ZNF33B: variants seen among roughly 807,000 people sequenced by gnomAD.
ZNF33B encodes zinc finger protein 33B, also known as zinc finger protein 11b (KOX 2).
A neutral mutation model predicts 45.8 loss-of-function variants in ZNF33B; 29 were observed. The observed-to-expected ratio is 0.63, with a 90% CI of 0.47 to 0.86. The LOEUF is 0.86. ZNF33B is among the 40% of genes least tolerant of loss of function. The probability of loss-of-function intolerance (pLI) is 0.00; values close to 1 mark genes in which losing one functional copy is unlikely to be tolerated. For missense variants in ZNF33B, 831 were observed against 909.9 expected (o/e 0.91, Z 1.12); for synonymous variants, 305 against 307.8 (o/e 0.99, Z 0.10).
intron 4 of ZNF33B, among the ~76,000 whole-genome samples, chr10:42,625,768 T>A (rs1213725247): frequency 2.0e-5 from 3 of 152,260 alleles, no homozygotes; most frequent in Admixed American, 6.5e-5. Flanking sequence ...CCACCAGGCC[T>A]GGCCTGAGGT....
At chr10:42,631,292 GC>G (rs1159136494) in intron 4 of ZNF33B, among the ~76,000 whole-genome samples, 2 of 152,004 alleles carry the variant, frequency 1.3e-5, no homozygotes, top group Admixed American at 1.3e-4. Flanking sequence ...TGCAACCTCT[GC>G]CTTCTGGGTT....
At chr10:42,611,249 G>A (rs1838084566) in intron 4 of ZNF33B, among the ~76,000 whole-genome samples, 1 of 152,080 alleles carries the variant, frequency 6.6e-6, no homozygotes, top group Non-Finnish European at 1.5e-5. Flanking sequence ...GCTGAGGCAG[G>A]AGAAATGCTT....
chr10:42,598,997 C>T (rs1405968159), intron 4 of ZNF33B, among the ~76,000 whole-genome samples: 1 of 152,140 alleles, frequency 6.6e-6, no homozygotes, highest in Non-Finnish European at 1.5e-5. Context: ...ACTACTGAAG[C>T]ATCTAGGGAC....
downstream of ZNF33B, among the ~76,000 whole-genome samples, chr10:42,587,823 C>T (rs182394507): frequency 1.3e-5 from 2 of 152,270 alleles, no homozygotes; most frequent in East Asian, 3.9e-4. Flanking sequence ...CTCATCAGCA[C>T]CTGGACCATG....
At position 42,589,305 on chromosome 10, in the gene ZNF33B, G is replaced by A. The variant is rs1195932403; in HGVS notation, c.*3308C>T. ...TGTTACAATTGATGAGCCAATAGTG[G>A]TACACTGTTATTAACTGAAGTCCAG... On this transcript the variant is annotated 3_prime_UTR_variant, in exon 5 of 5. Coordinates refer to ENST00000359467, the MANE Select transcript of ZNF33B (RefSeq NM_006955.3). 1 of 152,142 alleles carries A rather than the reference G, an allele frequency of 6.6e-6. No individual in the cohort carries two copies. Among genetic ancestry groups the A allele is most frequent in the Non-Finnish European group, 1.5e-5 (1 of 68,020 alleles). The allele number at this position is 152,142 out of a possible 1,614,324, so 9.4% of individuals were successfully genotyped here.
At chr10:42,577,259 C>T (rs1836761189) in intron 1 of ZNF33B, among the ~76,000 whole-genome samples, 1 of 152,048 alleles carries the variant, frequency 6.6e-6, no homozygotes, top group South Asian at 2.1e-4. Flanking sequence ...ACACCCCAAA[C>T]CTCGACCTCC....
chr10:42,581,151 C>A (rs1450041310), intron 1 of ZNF33B, among the ~76,000 whole-genome samples: 1 of 151,998 alleles, frequency 6.6e-6, no homozygotes, highest in African/African-American at 2.4e-5. Flanking sequence ...CTTTATGCAC[C>A]CAGTCCAGGT....
rs1837166068 is a variant in ZNF33B at position 42,592,393 on chromosome 10, TA to T, written c.*219del. 14 of 713,498 alleles carry T rather than the reference TA, an allele frequency of 2.0e-5. No homozygotes were observed. Among genetic ancestry groups the T allele is most frequent in the Non-Finnish European group, 2.9e-5 (14 of 477,496 alleles). The allele number at this position is 713,498 out of a possible 1,614,324, so 44.2% of individuals were successfully genotyped here. A position where few individuals can be genotyped will look rare whatever the true frequency, so the allele number is the denominator to read the frequency against. On this transcript the variant is annotated 3_prime_UTR_variant, in exon 5 of 5. Transcript: ENST00000359467. ...AATCTGTGAGGTTTTATGCCAGTAT[TA>T]ACCATCTGATATTCAACAGAATATC...
At chr10:42,623,617 C>T (rs1838682850) in intron 4 of ZNF33B, among the ~76,000 whole-genome samples, 1 of 152,170 alleles carries the variant, frequency 6.6e-6, no homozygotes. Flanking sequence ...GAAATATTCA[C>T]AACATTCAAA....
intron 4 of ZNF33B, chr10:42,614,163 G>C (rs958206168): frequency 6.5e-6 from 1 of 154,806 alleles, no homozygotes; most frequent in Non-Finnish European, 1.5e-5. Flanking sequence ...ATGCATGCTT[G>C]ATATAATGTG....
chr10:42,606,806 A>C (rs1412438219), intron 4 of ZNF33B, among the ~76,000 whole-genome samples: 7 of 152,128 alleles, frequency 4.6e-5, no homozygotes, highest in Admixed American at 3.9e-4. Flanking sequence ...AAAAAAAAAA[A>C]AAAAAGACAT....
intron 4 of ZNF33B, among the ~76,000 whole-genome samples, chr10:42,623,203 G>A (rs1375958251): frequency 2.0e-5 from 3 of 152,218 alleles, no homozygotes; most frequent in South Asian, 4.1e-4. Context: ...GGAGGCAGAG[G>A]CTGTGGTGAG....
At chr10:42,580,976 C>A (rs1428990499) in intron 1 of ZNF33B, among the ~76,000 whole-genome samples, 1 of 152,088 alleles carries the variant, frequency 6.6e-6, no homozygotes, top group African/African-American at 2.4e-5. Flanking sequence ...AGATCACAAT[C>A]ACACCAGGAG....
chr10:42,630,374 G>A (rs1246342878), intron 4 of ZNF33B, among the ~76,000 whole-genome samples: 2 of 151,992 alleles, frequency 1.3e-5, no homozygotes, highest in African/African-American at 4.8e-5. Flanking sequence ...GTTTCTCTCT[G>A]GCTACTTTGA....
At chr10:42,601,396 A>G (rs1278015452) in intron 4 of ZNF33B, among the ~76,000 whole-genome samples, 3 of 149,146 alleles carry the variant, frequency 2.0e-5, no homozygotes, top group African/African-American at 7.4e-5. Flanking sequence ...CTTTCCTTTT[A>G]GAGACTCCAA....
downstream of ZNF33B, among the ~76,000 whole-genome samples, chr10:42,587,296 T>G (rs1836954840): frequency 6.6e-6 from 1 of 152,146 alleles, no homozygotes; most frequent in Non-Finnish European, 1.5e-5. Flanking sequence ...GCCTCCTGGA[T>G]TCAAGTGATT....
At chr10:42,583,781 T>C (rs763871383) in intron 1 of ZNF33B, among the ~76,000 whole-genome samples, 1 of 152,156 alleles carries the variant, frequency 6.6e-6, no homozygotes, top group Non-Finnish European at 1.5e-5. Flanking sequence ...ATCACCGAGA[T>C]AAAGCCCAAC....
chr10:42,626,012 T>C (rs1417656706), intron 4 of ZNF33B, among the ~76,000 whole-genome samples: 5 of 152,278 alleles, frequency 3.3e-5, no homozygotes, highest in Non-Finnish European at 7.3e-5. Flanking sequence ...ATATCTGCTA[T>C]AGATATTTTG....
chr10:42,592,871 A>G lies in ZNF33B; in HGVS notation c.2079T>C (p.Tyr693=), dbSNP rs200064081. The change falls in exon 5 of 5, where the codon TAT becomes TAC. Residue 693 remains tyrosine, a synonymous_variant. Coordinates refer to ENST00000359467, the MANE Select transcript of ZNF33B (RefSeq NM_006955.3). ...AGGATTTCCCACATTCATTGCATTC[A>G]TAGGGTTTCTCCCCCGTGTGCTTTC... is the stretch of plus-strand genomic sequence containing the variant. The part of the protein sequence containing the change: ...HERKHTGEKP[Y]ECNECGKSFS... 4 of 1,614,130 alleles carry G rather than the reference A, an allele frequency of 2.5e-6. No homozygotes were observed. The highest frequency in any genetic ancestry group is 2.5e-6 in the Non-Finnish European group (3 of 1,179,994).
Sources: allele counts gnomAD v4.1 joint callset (sites outside exome capture counted in the v4.1 genomes callset), GRCh38; gene constraint gnomAD v4.1.1; transcripts MANE v1.5; gene names NCBI Gene and HGNC (gene_info 2026-07-23, HGNC 2026-07-21).